Variants in PRRC2B observed in about 807,000 individuals in gnomAD.
The protein encoded by PRRC2B is protein PRRC2B.
PRRC2B carries 68 observed loss-of-function variants against 242.3 expected under a neutral mutation model. That is an observed-to-expected ratio of 0.28 (90% CI 0.23 to 0.34). PRRC2B has a LOEUF of 0.34. Among genes scored for constraint, PRRC2B ranks in the 10% least tolerant of loss-of-function variants. PRRC2B has a pLI of 1.00. For missense variants in PRRC2B, 2,835 were observed against 2,954.8 expected (o/e 0.96, Z 0.94); for synonymous variants, 1,228 against 1,173.6 (o/e 1.05, Z -0.95).
At chr9:131,377,012 AAAAT>A (rs1836694030) in intron 1 of PRRC2B, among the ~76,000 whole-genome samples, 1 of 152,220 alleles carries the variant, frequency 6.6e-6, no homozygotes, top group Non-Finnish European at 1.5e-5. Context: ...GTCCGTTGAA[AAAAT>A]AAATAAAAAA....
At position 131,469,017 on chromosome 9, in the gene PRRC2B, A is replaced by G. The variant is rs112906496; in HGVS notation, c.1911+1264A>G. 2.6e-3 allele frequency among the ~76,000 whole-genome samples: 398 copies of G among 152,286 alleles called. 2 individuals are homozygous for G. Among genetic ancestry groups the G allele is most frequent in the African/African-American group, 9.1e-3 (379 of 41,552 alleles). On this transcript the variant is annotated intron_variant, in intron 13 of 31. Transcript: ENST00000683519. ...CTCTAGGTAACTCCTTGGGGTGCGG[A>G]GGAAGTGATGGGTAAGTCCTTCCTT...
intron 13 of PRRC2B, among the ~76,000 whole-genome samples, chr9:131,469,835 C>T (rs978689737): frequency 1.6e-4 from 24 of 152,196 alleles, no homozygotes; most frequent in African/African-American, 5.8e-4. Flanking sequence ...CCCATTTGTG[C>T]AAATGTTCTG....
chr9:131,477,632 T>C, intron 16 of PRRC2B, 112 bp from the exon 17 acceptor site: 1 of 659,700 alleles, frequency 1.5e-6, no homozygotes, highest in East Asian at 2.7e-5. Flanking sequence ...AGGAGTCAGC[T>C]AGAGGAAGTG....
chr9:131,422,664 A>G (rs2131312524), intron 1 of PRRC2B, among the ~76,000 whole-genome samples: 1 of 152,294 alleles, frequency 6.6e-6, no homozygotes, highest in Non-Finnish European at 1.5e-5. Flanking sequence ...CAGGGCAGAG[A>G]TGTTCCCTCT....
intron 1 of PRRC2B, among the ~76,000 whole-genome samples, chr9:131,424,639 T>C (rs749608897): frequency 7.9e-5 from 12 of 152,056 alleles, no homozygotes; most frequent in Non-Finnish European, 1.5e-4. Flanking sequence ...TGAGCCAAGA[T>C]TGTGCCACTG....
At chr9:131,439,531 C>G (rs1838487137) in intron 5 of PRRC2B, among the ~76,000 whole-genome samples, 7 of 152,212 alleles carry the variant, frequency 4.6e-5, no homozygotes, top group Admixed American at 4.6e-4. Flanking sequence ...TGCACTACCC[C>G]TGCCAGCCAA....
Position 131,494,537 on chromosome 9 carries a change from C to A in PRRC2B, c.6555+51C>A. 9.8e-7 allele frequency: 1 copy of A among 1,017,898 alleles called. No individual in the cohort carries two copies. The highest frequency in any genetic ancestry group is 1.5e-6 in the Non-Finnish European group (1 of 670,568). The allele number at this position is 1,017,898 out of a possible 1,614,324, so 63.1% of individuals were successfully genotyped here. On this transcript the variant is annotated intron_variant, in intron 31 of 31. Coordinates refer to ENST00000683519, the MANE Select transcript of PRRC2B (RefSeq NM_013318.4). The surrounding 1 kb of genome is among the most constrained non-coding windows in gnomAD (Gnocchi z 4.3). ...CAGCCCTGGACACTTAGGCCCGTCT[C>A]CAAGCGCCAAAAGAGAAGGGACTGT...
At chr9:131,418,858 G>T (rs544957351) in intron 1 of PRRC2B, among the ~76,000 whole-genome samples, 19 of 152,306 alleles carry the variant, frequency 1.2e-4, no homozygotes, top group Non-Finnish European at 2.6e-4. Flanking sequence ...TTTGAAATGG[G>T]AAGTCAAAAC....
rs148897921 is a variant in PRRC2B, at chr9:131,490,124, A to G, written c.6226-1301A>G. On this transcript the variant is annotated intron_variant, in intron 28 of 31. Transcript: ENST00000683519. ...CAATGGACTTTCCAGCATGTCTGCT[A>G]TGGTGTCTTATGGCATCTCAAGACT... is the stretch of plus-strand genomic sequence containing the variant. Among the ~76,000 whole-genome samples the G allele has an allele frequency of 3.9e-5, 6 of 152,120 alleles. No individual in the cohort carries two copies. In the East Asian group the frequency reaches 7.8e-4, roughly 20 times the overall value.
At chr9:131,465,837 A>G (rs4237109) in intron 12 of PRRC2B, among the ~76,000 whole-genome samples, 147,658 of 152,294 alleles carry the variant, frequency 0.97, 71,738 homozygotes, top group East Asian at 1. Context: ...CGATTTTCCC[A>G]GCTCAGCCTC....
intron 3 of PRRC2B, 109 bp downstream of exon 3, chr9:131,432,903 C>A: frequency 9.4e-7 from 1 of 1,062,482 alleles, no homozygotes. Context: ...CAGCGCTAGT[C>A]TTGCAGTGGC....
chr9:131,457,313 C>G (rs971620667), intron 10 of PRRC2B, among the ~76,000 whole-genome samples: 2 of 152,182 alleles, frequency 1.3e-5, no homozygotes, highest in African/African-American at 4.8e-5. Flanking sequence ...GACATAAACT[C>G]TTAGAGACTG....
Position 131,464,755 on chromosome 9 carries a change from C to A in PRRC2B, c.1405-8C>A. 6.4e-7 allele frequency: 1 copy of A among 1,569,036 alleles called. No homozygotes were observed. The highest frequency in any genetic ancestry group is 1.2e-5 in the South Asian group (1 of 84,574). On this transcript the variant is annotated splice_polypyrimidine_tract_variant and splice_region_variant and intron_variant, in intron 11 of 31. Coordinates refer to ENST00000683519, the MANE Select transcript of PRRC2B (RefSeq NM_013318.4). ...CACCGCCTTATCTCAGAGACATTCTCTTGGCAGAAGTCATCAATGGGCAGC... is the reference window on the plus strand; with the variant it reads ...CACCGCCTTATCTCAGAGACATTCTATTGGCAGAAGTCATCAATGGGCAGC...
At chr9:131,452,966 G>T (rs1432478873) in intron 9 of PRRC2B, among the ~76,000 whole-genome samples, 3 of 152,156 alleles carry the variant, frequency 2.0e-5, no homozygotes, top group Non-Finnish European at 4.4e-5. Flanking sequence ...GTGGCATTCA[G>T]ATCTTACTGT....
At position 131,383,768 on chromosome 9, in the gene PRRC2B, C is replaced by T. The variant is rs150565900; in HGVS notation, c.-56+10037C>T. On this transcript the variant is annotated intron_variant, in intron 1 of 1. Coordinates refer to the PRRC2B transcript ENST00000682525. Reference sequence around the variant, plus strand: ...TCCCAAATAGCTGGGACTACAGATGCCCACCACCATGCCCAGCTAATTTTT... The same window carrying T: ...TCCCAAATAGCTGGGACTACAGATGTCCACCACCATGCCCAGCTAATTTTT... Among the ~76,000 whole-genome samples the T allele has an allele frequency of 8.2e-3, 1,244 of 151,800 alleles. 24 individuals carry two copies. The highest frequency in any genetic ancestry group is 0.029 in the African/African-American group (1,204 of 41,420).
intron 1 of PRRC2B, among the ~76,000 whole-genome samples, chr9:131,420,838 G>A (rs554169701): frequency 1.3e-5 from 2 of 151,962 alleles, no homozygotes; most frequent in Non-Finnish European, 2.9e-5. Flanking sequence ...TGGAGGTGTG[G>A]TGGGGGTTGG....
intron 5 of PRRC2B, among the ~76,000 whole-genome samples, chr9:131,441,407 T>C (rs1838567717): frequency 6.6e-6 from 1 of 152,096 alleles, no homozygotes; most frequent in Non-Finnish European, 1.5e-5. Flanking sequence ...AAAATAATTT[T>C]AAACTGGACG....
intron 1 of PRRC2B, among the ~76,000 whole-genome samples, chr9:131,414,064 G>T (rs556821197): frequency 6.6e-6 from 1 of 152,224 alleles, no homozygotes; most frequent in South Asian, 2.1e-4. Context: ...AGACAATGCA[G>T]TGTTGCCAAA....
intron 2 of PRRC2B, among the ~76,000 whole-genome samples, chr9:131,430,549 A>AGG (rs1159513221): frequency 6.7e-5 from 7 of 104,360 alleles, no homozygotes; most frequent in Non-Finnish European, 1.2e-4. Context: ...AGATATCTAT[A>AGG]GGTGTGTGTG....
Sources: gnomAD v4.1 joint callset for allele counts (sites outside exome capture counted in the v4.1 genomes callset) on GRCh38, gnomAD v4.1.1 for gene constraint, Gnocchi (gnomAD v3.1) non-coding constraint, MANE v1.5 for transcripts, NCBI Gene and HGNC (gene_info 2026-07-23, HGNC 2026-07-21) for gene names.